Variants in CNGA3 observed in about 807,000 individuals in gnomAD.
CNGA3 encodes the protein cyclic nucleotide-gated channel alpha-3.
CNGA3 carries 42 observed loss-of-function variants against 46.6 expected under a neutral mutation model. The observed-to-expected ratio is 0.90, with a 90% confidence interval of 0.70 to 1.17. The LOEUF (loss-of-function observed/expected upper bound fraction) is 1.17, where lower values mean the gene tolerates loss of function less well. CNGA3 is among the 50% of genes most tolerant of loss of function. The pLI is 0.00. For synonymous variants in CNGA3, 394 were observed against 369.4 expected (o/e 1.07, Z -0.76); for missense variants, 893 against 890.7 (o/e 1.00, Z -0.03).
intron 1 of CNGA3, among the ~76,000 whole-genome samples, chr2:98,347,831 T>C (rs1337243214): frequency 6.6e-6 from 1 of 152,218 alleles, no homozygotes; most frequent in African/African-American, 2.4e-5. Context: ...CCTAACATTA[T>C]GCACTGTCCG....
intron 1 of CNGA3, among the ~76,000 whole-genome samples, chr2:98,353,232 G>GTA (rs1218525773): frequency 6.6e-6 from 1 of 152,042 alleles, no homozygotes; most frequent in Non-Finnish European, 1.5e-5. Flanking sequence ...AGGATCAATG[G>GTA]TATATATATC....
At chr2:98,373,882 G>C (rs1692346101) in intron 2 of CNGA3, among the ~76,000 whole-genome samples, 2 of 152,120 alleles carry the variant, frequency 1.3e-5, no homozygotes, top group Non-Finnish European at 2.9e-5. Flanking sequence ...GTCTTCTTGT[G>C]TTACTCCCTG....
rs767017804 is a variant in CNGA3 at position 98,380,260 on chromosome 2, C to T, written c.301C>T (p.Arg101Cys). Residue 101 changes from arginine (R) to cysteine (C), a missense_variant, in exon 4 of 8, where the codon CGT becomes TGT. Transcript: ENST00000272602. Reference sequence around the variant, plus strand: ...CCAGGGACCGGACTCTTTTCCTGATCGTTTCCGTGGAGCCGAGCTTAAGGA... The same window carrying T: ...CCAGGGACCGGACTCTTTTCCTGATTGTTTCCGTGGAGCCGAGCTTAAGGA... Reference protein sequence around the residue: ...QDQGPDSFPDRFRGAELKEVS... With the variant: ...QDQGPDSFPDCFRGAELKEVS... 4.3e-6 allele frequency: 7 copies of T among 1,614,038 alleles called. No individual in the cohort carries two copies. Among genetic ancestry groups the T allele is most frequent in the Admixed American group, 3.3e-5 (2 of 60,006 alleles).
intron 1 of CNGA3, among the ~76,000 whole-genome samples, chr2:98,363,294 G>C (rs551842703): frequency 2.6e-5 from 4 of 152,310 alleles, no homozygotes; most frequent in African/African-American, 9.6e-5. Context: ...AGCATGGAAT[G>C]CTTTTCCATT....
intron 1 of CNGA3, among the ~76,000 whole-genome samples, chr2:98,361,053 C>T (rs1692020885): frequency 1.3e-5 from 2 of 151,226 alleles, no homozygotes; most frequent in African/African-American, 4.9e-5. Flanking sequence ...TTCTGGGGTA[C>T]ATGCGCAGGA....
chr2:98,359,727 G>T (rs938664772), intron 1 of CNGA3, among the ~76,000 whole-genome samples: 5 of 152,184 alleles, frequency 3.3e-5, no homozygotes, highest in Admixed American at 3.3e-4. Context: ...ACCTGTCTGT[G>T]GACGCCCTGG....
intron 2 of CNGA3, 115 bp downstream of exon 2, chr2:98,370,191 C>A: frequency 2.4e-6 from 2 of 827,810 alleles, no homozygotes; most frequent in Non-Finnish European, 4.1e-6. Context: ...GGTCAGAGGG[C>A]AGGGGAGGTA....
At chr2:98,383,532 C>T (rs1692584145) in intron 5 of CNGA3, 91 bp downstream of exon 5, 1 of 1,137,000 alleles carries the variant, frequency 8.8e-7, no homozygotes, top group Non-Finnish European at 1.3e-6. Context: ...CTTAGTGCTC[C>T]TGCTCCCCAC....
rs1466016362 is a variant in CNGA3 at position 98,397,368 on chromosome 2, T to A, written c.*113T>A. 4 of 1,109,456 alleles carry A rather than the reference T, an allele frequency of 3.6e-6. No individual in the cohort carries two copies. The highest frequency in any genetic ancestry group is 5.4e-6 in the Non-Finnish European group (4 of 746,816). 68.7% of individuals were successfully genotyped at this position (1,109,456 alleles called of 1,614,324 possible). A position where few individuals can be genotyped will look rare whatever the true frequency, so the allele number is the denominator to read the frequency against. Reference sequence around the variant, plus strand: ...GGTTGAATTCCAGCTCTACTCACCCTTTGAAAGCTGTGTGACTGCCTGAGA... The same window carrying A: ...GGTTGAATTCCAGCTCTACTCACCCATTGAAAGCTGTGTGACTGCCTGAGA... On this transcript the variant is annotated 3_prime_UTR_variant, in exon 8 of 8. Transcript: ENST00000272602.
chr2:98,375,414 G>T (rs183313850), intron 2 of CNGA3, among the ~76,000 whole-genome samples: 1 of 152,302 alleles, frequency 6.6e-6, no homozygotes, highest in African/African-American at 2.4e-5. Context: ...GCTGTCAGCT[G>T]CCATCACCAC....
In CNGA3 at chr2:98,382,422, GA is replaced by G. The variant is rs544426742; in HGVS notation, c.396-963del. ...TTTTCAGATGAGCAGAACCAATCTAGAAACAAGCGGTTATGGCCATATCTTA... is the reference window on the plus strand; with the variant it reads ...TTTTCAGATGAGCAGAACCAATCTAGAACAAGCGGTTATGGCCATATCTTA... On this transcript the variant is annotated intron_variant, in intron 4 of 7. Coordinates refer to ENST00000272602, the MANE Select transcript of CNGA3 (RefSeq NM_001298.3). Among the ~76,000 whole-genome samples, 34 of 152,298 alleles carry G rather than the reference GA, an allele frequency of 2.2e-4. 1 individual carries two copies. The South Asian group carries it at 6.4e-3, about 29-fold the overall frequency.
chr2:98,390,476 G>A (rs1366129829), intron 6 of CNGA3, among the ~76,000 whole-genome samples: 1 of 152,110 alleles, frequency 6.6e-6, no homozygotes, highest in African/African-American at 2.4e-5. Flanking sequence ...AAGCAGAAGA[G>A]GGATTGAGGG....
At chr2:98,349,958 G>A (rs1691738009) in intron 1 of CNGA3, among the ~76,000 whole-genome samples, 1 of 152,122 alleles carries the variant, frequency 6.6e-6, no homozygotes, top group Admixed American at 6.5e-5. Context: ...GACAGTAGCT[G>A]GGGGAGACAG....
intron 6 of CNGA3, among the ~76,000 whole-genome samples, chr2:98,390,238 C>T (rs1345556631): frequency 3.3e-5 from 5 of 151,788 alleles, no homozygotes; most frequent in African/African-American, 9.7e-5. Context: ...CGGGTTAAAG[C>T]GATTCTCCTG....
In CNGA3 at chr2:98,396,316, C is replaced by T. The variant is rs756907714; in HGVS notation, c.1146C>T (p.Val382=). Residue 382 remains valine (V), a synonymous_variant, in exon 8 of 8, where the codon GTC becomes GTT. Transcript: ENST00000272602. The part of the protein sequence containing the change: ...PVKDEEYLFV[V]VDFLVGVLIF... Reference sequence around the variant, plus strand: ...AAGATGAGGAGTATCTCTTTGTGGTCGTAGACTTCTTGGTGGGTGTTCTGA... The same window carrying T: ...AAGATGAGGAGTATCTCTTTGTGGTTGTAGACTTCTTGGTGGGTGTTCTGA... 23 of 1,611,314 alleles carry T rather than the reference C, an allele frequency of 1.4e-5. No individual in the cohort carries two copies. Among genetic ancestry groups the T allele is most frequent in the East Asian group, 2.2e-5 (1 of 44,820 alleles).
intron 6 of CNGA3, among the ~76,000 whole-genome samples, chr2:98,390,970 G>A (rs936589717): frequency 2.6e-5 from 4 of 152,170 alleles, no homozygotes; most frequent in East Asian, 1.9e-4. Flanking sequence ...GCAAAATGAG[G>A]ATGCAGAGGC....
At chr2:98,382,159 T>A (rs1266822041) in intron 4 of CNGA3, among the ~76,000 whole-genome samples, 1 of 152,140 alleles carries the variant, frequency 6.6e-6, no homozygotes, top group Non-Finnish European at 1.5e-5. Flanking sequence ...GATGCGATGG[T>A]GCGGATAGTG....
intron 1 of CNGA3, among the ~76,000 whole-genome samples, chr2:98,364,036 C>T (rs1009334081): frequency 3.3e-5 from 5 of 150,432 alleles, no homozygotes; most frequent in African/African-American, 1.2e-4. Flanking sequence ...GATACTTTTA[C>T]CATTATGTAA....
rs779055526 is a variant in CNGA3, at chr2:98,391,932, T to G, written c.635T>G (p.Val212Gly). 1 of 1,614,118 alleles carries G rather than the reference T, an allele frequency of 6.2e-7. No individual in the cohort carries two copies. The highest frequency in any genetic ancestry group is 2.2e-5 in the East Asian group (1 of 44,880). ...CTGGTCCTGGACTACTCGGCAGATGTCCTGTATGTCTTGGATGTGCTTGTA... is the reference window on the plus strand; with the variant it reads ...CTGGTCCTGGACTACTCGGCAGATGGCCTGTATGTCTTGGATGTGCTTGTA... ...LWLVLDYSAD[V>G]LYVLDVLVRA... Residue 212 changes from valine (V) to glycine (G), a missense_variant, in exon 7 of 8, where the codon GTC (valine) becomes GGC (glycine). By Grantham distance (109) the Val-to-Gly change is moderately radical. Around this residue, in one of 3 missense-constraint regions of CNGA3, gnomAD observed 333 missense variants for 290.8 expected, o/e 1.15. Coordinates refer to ENST00000272602, the MANE Select transcript of CNGA3 (RefSeq NM_001298.3).
Sources: allele counts gnomAD v4.1 joint callset (sites outside exome capture counted in the v4.1 genomes callset), GRCh38; gene constraint gnomAD v4.1.1; regional missense constraint gnomAD v4.1.1; transcripts MANE v1.5; gene names NCBI Gene and HGNC (gene_info 2026-07-23, HGNC 2026-07-21).